Variants in CARD8 observed in about 807,000 individuals in gnomAD.
CARD8 encodes the protein caspase recruitment domain family member 8, also known as caspase recruitment domain-containing protein 8.
Under a neutral mutation model 53.2 loss-of-function variants are expected in CARD8, and 38 were observed. The ratio of observed to expected loss-of-function variants is 0.71; its 90% CI spans 0.55 to 0.94. The LOEUF is 0.94. CARD8 is among the 40% of genes least tolerant of loss of function. CARD8 has a pLI of 0.00. For synonymous variants in CARD8, 245 were observed against 244.9 expected, an observed-to-expected ratio of 1.00 and a Z score of 0.00; for missense variants, 561 against 655.5, an observed-to-expected ratio of 0.86 and a Z score of 1.57.
intron 10 of CARD8, among the ~76,000 whole-genome samples, chr19:48,227,231 G>A (rs1042016404): frequency 2.0e-5 from 3 of 152,162 alleles, no homozygotes; most frequent in African/African-American, 7.2e-5. Context: ...GGAGAAAGTT[G>A]AGTCAATATA....
At chr19:48,248,280 C>T (rs559799477) in intron 3 of CARD8, among the ~76,000 whole-genome samples, 2 of 152,196 alleles carry the variant, frequency 1.3e-5, no homozygotes, top group South Asian at 4.1e-4. Context: ...ACCCGGAGGC[C>T]GAGGTGGGAG....
chr19:48,255,570 A>T lies in CARD8; in HGVS notation c.-252+222T>A, dbSNP rs1484846207. On this transcript the variant is annotated intron_variant, in intron 1 of 13. Coordinates refer to ENST00000651546, the MANE Select transcript of CARD8 (RefSeq NM_001184900.3). ...AAGACTGTCCAAGCCAAGTCACTGA[A>T]GTCATAAATTTAAGTTATGACAGGA... is the stretch of plus-strand genomic sequence containing the variant. 3 of 152,198 alleles carry T rather than the reference A, an allele frequency of 2.0e-5. No homozygotes were observed. The East Asian group carries it at 5.8e-4, about 29-fold the overall frequency. 9.4% of individuals were successfully genotyped at this position (152,198 alleles called of 1,614,324 possible). A position where few individuals can be genotyped will look rare whatever the true frequency, so the allele number is the denominator to read the frequency against.
intron 3 of CARD8, among the ~76,000 whole-genome samples, chr19:48,246,743 A>G (rs541607156): frequency 1.2e-4 from 19 of 152,314 alleles, no homozygotes; most frequent in African/African-American, 4.1e-4. Flanking sequence ...ATGAAGATTA[A>G]AGCTACTCTT....
chr19:48,249,365 C>T (rs2046634477), intron 3 of CARD8, among the ~76,000 whole-genome samples, 158 bp downstream of exon 3: 1 of 151,972 alleles, frequency 6.6e-6, no homozygotes, highest in Non-Finnish European at 1.5e-5. Context: ...TGGCAACAGC[C>T]GAGAGTGGCT....
chr19:48,230,393 A>C (rs201430223), intron 10 of CARD8, 45 bp downstream of exon 10: 9 of 1,549,688 alleles, frequency 5.8e-6, no homozygotes, highest in Non-Finnish European at 7.0e-6. Flanking sequence ...ATAACCTGGA[A>C]ATATAATCGT....
chr19:48,251,581 C>A (rs2046946140), intron 1 of CARD8, among the ~76,000 whole-genome samples: 1 of 152,188 alleles, frequency 6.6e-6, no homozygotes, highest in Non-Finnish European at 1.5e-5. Flanking sequence ...GCCATACATA[C>A]AATAATTTAA....
chr19:48,221,006 GAAAAAGAA>G (rs1168401714), intron 11 of CARD8, among the ~76,000 whole-genome samples: 4,477 of 88,124 alleles, frequency 0.051, 287 homozygotes, highest in African/African-American at 0.15. Flanking sequence ...AAGAAAGAAA[GAAAAAGAA>G]AGAAAGAAAG....
At chr19:48,223,389 G>A (rs998644847) in intron 10 of CARD8, among the ~76,000 whole-genome samples, 2 of 152,086 alleles carry the variant, frequency 1.3e-5, no homozygotes, top group African/African-American at 4.8e-5. Context: ...TTGGGCCTGG[G>A]AAATCAAATA....
In CARD8 at chr19:48,236,863, C is replaced by A. The variant is rs145596918; in HGVS notation, c.209+1520G>T. Among the ~76,000 whole-genome samples the A allele has an allele frequency of 2.8e-4, 43 of 152,176 alleles. No individual in the cohort carries two copies. The East Asian group carries it at 8.3e-3, about 29-fold the overall frequency. On this transcript the variant is annotated intron_variant, in intron 5 of 13. Transcript: ENST00000651546. ...GATCTTGGCTCACTGCAACCTCTGC[C>A]TCCCGAGTTCAAGCAATTATCCTGC...
intron 3 of CARD8, among the ~76,000 whole-genome samples, 176 bp from the exon 4 acceptor site, chr19:48,241,239 G>C (rs1373374016): frequency 6.6e-6 from 1 of 152,020 alleles, no homozygotes; most frequent in African/African-American, 2.4e-5. Flanking sequence ...AAACAGGAGA[G>C]TTGTAAAACA....
At chr19:48,239,472 CTTTTT>C (rs36029407) in intron 4 of CARD8, among the ~76,000 whole-genome samples, 1 of 102,714 alleles carries the variant, frequency 9.7e-6, no homozygotes, top group African/African-American at 3.7e-5. Context: ...TCATTTCAGA[CTTTTT>C]TTTTTTTTTT....
intron 12 of CARD8, among the ~76,000 whole-genome samples, chr19:48,217,769 T>C (rs2039637179): frequency 6.6e-6 from 1 of 152,234 alleles, no homozygotes. Context: ...ATTGGAGATA[T>C]AAATGTATCT....
At chr19:48,231,092 A>G (rs1460263358) in intron 8 of CARD8, 86 bp from the exon 9 acceptor site, 1 of 1,123,372 alleles carries the variant, frequency 8.9e-7, no homozygotes. Flanking sequence ...TGGGATTTGA[A>G]GTGAGGCAAG....
At position 48,240,973 on chromosome 19, in the gene CARD8, C is replaced by T; in HGVS notation, c.48G>A (p.Glu16=). Residue 16 remains glutamate, a synonymous_variant, in exon 4 of 14, where the codon GAG becomes GAA. Coordinates refer to ENST00000651546, the MANE Select transcript of CARD8 (RefSeq NM_001184900.3). ...CPEKSSSSEE[E]LPRRDSGSSR... ...GCAAAGTCACTCACCGTCTCGGCAG[C>T]TCTTCCTCACTGCTGCTACTCTTTT... 1 of 1,536,136 alleles carries T rather than the reference C, an allele frequency of 6.5e-7. No homozygotes were observed. The highest frequency in any genetic ancestry group is 8.7e-7 in the Non-Finnish European group (1 of 1,146,824).
At chr19:48,240,699 G>A (rs1303795786) in intron 4 of CARD8, among the ~76,000 whole-genome samples, 1 of 151,976 alleles carries the variant, frequency 6.6e-6, no homozygotes, top group Non-Finnish European at 1.5e-5. Context: ...AACCCAGGAG[G>A]CAGAGGTTGT....
chr19:48,219,646 T>C (rs1022145257), intron 11 of CARD8, among the ~76,000 whole-genome samples: 3 of 152,184 alleles, frequency 2.0e-5, no homozygotes, highest in East Asian at 3.8e-4. Flanking sequence ...AAATGGAAGA[T>C]GACTCTGAGG....
At position 48,211,570 on chromosome 19, in the gene CARD8, G is replaced by T; in HGVS notation, c.*140C>A. ...TCAATAGGTACATGCCAGGTTACAA[G>T]TCTGTCCTGAAAGCCTGTGTGATAG... On this transcript the variant is annotated 3_prime_UTR_variant, in exon 14 of 14. Coordinates refer to ENST00000651546, the MANE Select transcript of CARD8 (RefSeq NM_001184900.3). 1.3e-6 allele frequency: 1 copy of T among 774,108 alleles called. No individual in the cohort carries two copies. The highest frequency in any genetic ancestry group is 2.1e-6 in the Non-Finnish European group (1 of 478,816). 48.0% of individuals were successfully genotyped at this position (774,108 alleles called of 1,614,324 possible). A position where few individuals can be genotyped will look rare whatever the true frequency, so the allele number is the denominator to read the frequency against.
intron 10 of CARD8, among the ~76,000 whole-genome samples, chr19:48,227,378 G>A (rs2041996408): frequency 1.3e-5 from 2 of 152,236 alleles, no homozygotes; most frequent in African/African-American, 4.8e-5. Context: ...GTTACGAGAC[G>A]AAGAATTCAT....
intron 1 of CARD8, among the ~76,000 whole-genome samples, chr19:48,253,836 A>T (rs2047242473): frequency 6.6e-6 from 1 of 152,224 alleles, no homozygotes; most frequent in South Asian, 2.1e-4. Context: ...CTTGTGGGAA[A>T]TCTGTTCAAT....
Sources: gnomAD v4.1 joint callset for allele counts (sites outside exome capture counted in the v4.1 genomes callset) on GRCh38, gnomAD v4.1.1 for gene constraint, MANE v1.5 for transcripts, NCBI Gene and HGNC (gene_info 2026-07-23, HGNC 2026-07-21) for gene names.